RAD51B: variants seen among roughly 807,000 people sequenced by gnomAD.
RAD51B encodes RAD51 paralog B.
Under a neutral mutation model 42.2 loss-of-function variants are expected in RAD51B, and 38 were observed. The observed-to-expected ratio is 0.90, with a 90% CI of 0.70 to 1.18. The LOEUF is 1.18. Among genes scored for constraint, RAD51B ranks in the 50% most tolerant of loss-of-function variants. RAD51B has a pLI of 0.00. For missense variants in RAD51B, 373 were observed against 400.7 expected (o/e 0.93, Z 0.59); for synonymous variants, 154 against 145.2 (o/e 1.06, Z -0.43).
rs57967320 is a variant in RAD51B at position 68,504,662 on chromosome 14, CTTTTTTTTTTTTTTT to C, written c.1036+36423_1036+36437del. On this transcript the variant is annotated intron_variant, in intron 10 of 10. Coordinates refer to the RAD51B transcript ENST00000487270. ...AAGGAGTAATCCTTTTTTTTTCTTT[CTTTTTTTTTTTTTTT>C]TTTTTTTTTTGCTAGTTCATTTTCA... is the stretch of plus-strand genomic sequence containing the variant. Among the ~76,000 whole-genome samples, 5 of 90,450 alleles carry C rather than the reference CTTTTTTTTTTTTTTT, an allele frequency of 5.5e-5. No homozygotes were observed. In the South Asian group the frequency reaches 1.5e-3, roughly 27 times the overall value. The allele number at this position is 90,450 out of a possible 152,430, so 59.3% of individuals were successfully genotyped here. A position where few individuals can be genotyped will look rare whatever the true frequency, so the allele number is the denominator to read the frequency against.
intron 7 of RAD51B, among the ~76,000 whole-genome samples, chr14:68,220,164 C>T (rs1035690849): frequency 3.9e-5 from 6 of 152,134 alleles, no homozygotes; most frequent in African/African-American, 1.4e-4. Flanking sequence ...CTGAACAAAG[C>T]CTCCAAGAAA....
intron 7 of RAD51B, among the ~76,000 whole-genome samples, chr14:68,270,366 A>G (rs1458874298): frequency 3.9e-5 from 6 of 152,186 alleles, no homozygotes; most frequent in Non-Finnish European, 5.9e-5. Flanking sequence ...AGAGGGATAC[A>G]TTTTCAGGAT....
rs144164204 is a variant in RAD51B, at chr14:68,146,499, G to A, written c.757-145385G>A. Among the ~76,000 whole-genome samples the A allele has an allele frequency of 3.7e-3, 562 of 151,996 alleles. 1 individual carries two copies. The highest frequency in any genetic ancestry group is 6.8e-3 in the Middle Eastern group (2 of 294). ...GTGACTCAGGGGAATTTCATTTAAG[G>A]GCCTCTCAAATTGCTTGGGTGTTGT... is the stretch of plus-strand genomic sequence containing the variant. On this transcript the variant is annotated intron_variant, in intron 7 of 10. Coordinates refer to ENST00000471583, the MANE Select transcript of RAD51B (RefSeq NM_133510.4).
At chr14:68,620,913 G>T (rs1396497576) in intron 10 of RAD51B, among the ~76,000 whole-genome samples, 1 of 152,156 alleles carries the variant, frequency 6.6e-6, no homozygotes, top group East Asian at 1.9e-4. Flanking sequence ...GAGCCAGGGG[G>T]TTTTCATCAG....
At chr14:67,820,050 T>C (rs919162730) in intron 1 of RAD51B, among the ~76,000 whole-genome samples, 197 bp downstream of exon 1, 1 of 152,134 alleles carries the variant, frequency 6.6e-6, no homozygotes, top group Non-Finnish European at 1.5e-5. Flanking sequence ...GGCCTTCTTT[T>C]GGTGGGGAAT....
chr14:68,365,012 G>A (rs536111405), intron 8 of RAD51B, among the ~76,000 whole-genome samples: 9 of 152,278 alleles, frequency 5.9e-5, no homozygotes, highest in African/African-American at 2.2e-4. Flanking sequence ...CTTAGCTTTG[G>A]TGAGGGAGTG....
At chr14:67,860,117 CG>C (rs1303673883) in intron 4 of RAD51B, among the ~76,000 whole-genome samples, 1 of 152,086 alleles carries the variant, frequency 6.6e-6, no homozygotes, top group Non-Finnish European at 1.5e-5. Context: ...TCACCGCACC[CG>C]GCCTTAAATG....
At chr14:68,262,598 G>A (rs542847018) in intron 7 of RAD51B, among the ~76,000 whole-genome samples, 107 of 152,232 alleles carry the variant, frequency 7.0e-4, no homozygotes, top group Non-Finnish European at 1.2e-3. Flanking sequence ...ATTCCAAGTC[G>A]CATCTCCCTG....
chr14:68,068,404 G>A (rs1002359729), intron 7 of RAD51B, among the ~76,000 whole-genome samples: 11 of 151,852 alleles, frequency 7.2e-5, no homozygotes, highest in African/African-American at 2.7e-4. Context: ...TTTTCTCTTT[G>A]TAGAATGTTC....
chr14:67,926,558 CTT>C (rs534207569), intron 7 of RAD51B, among the ~76,000 whole-genome samples: 3,617 of 84,604 alleles, frequency 0.043, 40 homozygotes, highest in African/African-American at 0.13. Context: ...GATATGTTTC[CTT>C]TTTTTTTTTT....
chr14:68,215,727 C>T (rs2079801788), intron 7 of RAD51B, among the ~76,000 whole-genome samples: 1 of 152,212 alleles, frequency 6.6e-6, no homozygotes. Context: ...AGGGCCAGAA[C>T]CTGTCTTTAG....
intron 7 of RAD51B, among the ~76,000 whole-genome samples, chr14:68,286,833 G>T (rs2139646041): frequency 6.6e-6 from 1 of 152,350 alleles, no homozygotes; most frequent in South Asian, 2.1e-4. Flanking sequence ...CAGAGGGTCT[G>T]CATTGGGCAC....
chr14:68,441,554 A>G (rs1044882377), intron 9 of RAD51B, among the ~76,000 whole-genome samples: 4 of 151,638 alleles, frequency 2.6e-5, no homozygotes, highest in African/African-American at 9.7e-5. Context: ...AAAAAAAAAA[A>G]AAAAAAAAAA....
chr14:67,886,776 A>G (rs926036329), intron 6 of RAD51B: 8 of 310,348 alleles, frequency 2.6e-5, no homozygotes, highest in African/African-American at 1.7e-4. Flanking sequence ...GTTTTACCCC[A>G]GAATTGGAGC....
intron 7 of RAD51B, among the ~76,000 whole-genome samples, chr14:68,081,273 T>G (rs2076908224): frequency 6.6e-6 from 1 of 151,690 alleles, no homozygotes; most frequent in Non-Finnish European, 1.5e-5. Flanking sequence ...ACTGAGTTGT[T>G]TTTTGTTTTT....
At chr14:68,020,845 G>A (rs915111726) in intron 7 of RAD51B, among the ~76,000 whole-genome samples, 116 of 152,260 alleles carry the variant, frequency 7.6e-4, no homozygotes, top group African/African-American at 2.7e-3. Flanking sequence ...GCTTTTTAGA[G>A]GTAAGAGAAT....
At chr14:68,662,598 G>T (rs1217894805) in intron 11 of RAD51B, among the ~76,000 whole-genome samples, 2 of 152,156 alleles carry the variant, frequency 1.3e-5, no homozygotes, top group Non-Finnish European at 2.9e-5. Flanking sequence ...AGCCCTCCTT[G>T]TTCTCAAGAG....
intron 9 of RAD51B, among the ~76,000 whole-genome samples, chr14:68,443,399 C>T (rs573064859): frequency 6.6e-5 from 10 of 152,276 alleles, no homozygotes; most frequent in Admixed American, 3.3e-4. Context: ...GCGCATGTGC[C>T]TCTGACTCTT....
At chr14:68,274,015 A>G (rs191723083) in intron 7 of RAD51B, among the ~76,000 whole-genome samples, 418 of 152,104 alleles carry the variant, frequency 2.7e-3, no homozygotes, top group Non-Finnish European at 4.3e-3. Context: ...TCTTGCCCCA[A>G]TTTCCCCACT....
Sources: allele counts gnomAD v4.1 joint callset (sites outside exome capture counted in the v4.1 genomes callset), GRCh38; gene constraint gnomAD v4.1.1; transcripts MANE v1.5; gene names NCBI Gene and HGNC (gene_info 2026-07-23, HGNC 2026-07-21).